NCOA2: variants seen among roughly 807,000 people sequenced by gnomAD.
NCOA2 encodes nuclear receptor coactivator 2.
A neutral mutation model predicts 145.1 loss-of-function variants in NCOA2; 21 were observed. The ratio of observed to expected loss-of-function variants is 0.14; its 90% confidence interval spans 0.10 to 0.21. NCOA2 has a LOEUF of 0.21. Ranked by LOEUF, NCOA2 falls within the 10% of genes least tolerant of loss-of-function variation. The pLI is 1.00. For missense variants in NCOA2, 1,472 were observed against 1,837.6 expected, an observed-to-expected ratio of 0.80 and a Z score of 3.64; for synonymous variants, 619 against 637.5, an observed-to-expected ratio of 0.97 and a Z score of 0.44.
At chr8:70,284,539 G>A (rs926324853) in intron 2 of NCOA2, among the ~76,000 whole-genome samples, 1 of 152,178 alleles carries the variant, frequency 6.6e-6, no homozygotes, top group African/African-American at 2.4e-5. Context: ...CTATAATAGG[G>A]AGGGACTTTA....
intron 9 of NCOA2, among the ~76,000 whole-genome samples, chr8:70,161,830 A>T (rs548313156): frequency 1.3e-5 from 2 of 152,318 alleles, no homozygotes; most frequent in South Asian, 4.1e-4. Context: ...CTGCTGGGAC[A>T]CAGAGAGAAG....
rs1201727660 is a variant in NCOA2 at position 70,382,604 on chromosome 8, GCTAGTAGATAT to G, written c.-77+21085_-77+21095del. Among the ~76,000 whole-genome samples the G allele has an allele frequency of 2.6e-5, 4 of 152,252 alleles. No individual in the cohort carries two copies. In the East Asian group the frequency reaches 7.7e-4, roughly 29 times the overall value. On this transcript the variant is annotated intron_variant, in intron 1 of 22. Transcript: ENST00000452400. ...AATTCCAGAAGAACCAGGGAGGGAA[GCTAGTAGATAT>G]CTATTTTGAATGAAAATTATAATTT...
At chr8:70,407,602 C>G (rs1814803059), upstream of NCOA2, among the ~76,000 whole-genome samples, 1 of 149,636 alleles carries the variant, frequency 6.7e-6, no homozygotes, top group Admixed American at 6.7e-5. Flanking sequence ...TCCTGGCCAA[C>G]ATGGTGAAAC....
At chr8:70,303,173 C>T (rs1286667059) in intron 1 of NCOA2, among the ~76,000 whole-genome samples, 2 of 152,176 alleles carry the variant, frequency 1.3e-5, no homozygotes, top group Non-Finnish European at 2.9e-5. Flanking sequence ...CAGCCCTTGA[C>T]TTGAAAATAG....
intron 1 of NCOA2, among the ~76,000 whole-genome samples, chr8:70,322,432 A>G (rs1806162456): frequency 6.6e-6 from 1 of 152,188 alleles, no homozygotes; most frequent in South Asian, 2.1e-4. Context: ...AGAACCAATT[A>G]TTGTATGATC....
chr8:70,368,532 C>T (rs1018288082), intron 1 of NCOA2, among the ~76,000 whole-genome samples: 3 of 152,186 alleles, frequency 2.0e-5, no homozygotes, highest in African/African-American at 7.2e-5. Flanking sequence ...AAATCTGCTA[C>T]TGAGACCAAA....
chr8:70,454,228 T>A, the NCOA2 span, among the ~76,000 whole-genome samples: 1 of 152,228 alleles, frequency 6.6e-6, no homozygotes, highest in African/African-American at 2.4e-5. Flanking sequence ...ACTCTATATT[T>A]AGCATCAAAT....
chr8:70,330,568 CAA>C (rs376324516), intron 1 of NCOA2, among the ~76,000 whole-genome samples: 11 of 82,088 alleles, frequency 1.3e-4, no homozygotes, highest in African/African-American at 3.5e-4. Flanking sequence ...CACCATGTCT[CAA>C]AAAAAAAAAA....
At chr8:70,404,285 G>A (rs1422251149), upstream of NCOA2, among the ~76,000 whole-genome samples, 4 of 152,246 alleles carry the variant, frequency 2.6e-5, no homozygotes, top group African/African-American at 9.6e-5. Context: ...AAGAAAACTA[G>A]CGACTGGGAC....
chr8:70,277,847 A>G (rs1040952294), intron 2 of NCOA2, among the ~76,000 whole-genome samples: 3 of 152,106 alleles, frequency 2.0e-5, no homozygotes, highest in African/African-American at 7.2e-5. Flanking sequence ...TCTACCAGCC[A>G]GTTTTCTGTT....
chr8:70,142,555 C>T (rs187298050), intron 13 of NCOA2, among the ~76,000 whole-genome samples: 181 of 152,064 alleles, frequency 1.2e-3, no homozygotes, highest in Middle Eastern at 6.8e-3. Context: ...AAAAATTAGC[C>T]GGGCATGGTG....
At chr8:70,280,586 G>A (rs1294321623) in intron 2 of NCOA2, among the ~76,000 whole-genome samples, 3 of 152,110 alleles carry the variant, frequency 2.0e-5, no homozygotes, top group African/African-American at 2.4e-5. Context: ...TCTGAATATA[G>A]TGTTCATGAA....
At chr8:70,184,413 T>A (rs1474174589) in intron 4 of NCOA2, among the ~76,000 whole-genome samples, 1 of 152,152 alleles carries the variant, frequency 6.6e-6, no homozygotes, top group African/African-American at 2.4e-5. Flanking sequence ...AATTGTCACA[T>A]TTGCCTGGGG....
At chr8:70,220,076 G>A (rs1820011578) in intron 2 of NCOA2, among the ~76,000 whole-genome samples, 1 of 152,092 alleles carries the variant, frequency 6.6e-6, no homozygotes, top group Non-Finnish European at 1.5e-5. Context: ...TAAACTCTAT[G>A]GACAGAGGAA....
intron 1 of NCOA2, among the ~76,000 whole-genome samples, chr8:70,359,453 A>G (rs1174023600): frequency 6.6e-6 from 1 of 152,222 alleles, no homozygotes; most frequent in East Asian, 1.9e-4. Context: ...TTGTGCTAAG[A>G]AAAAGAAACA....
chr8:70,420,333 A>G, the NCOA2 span, among the ~76,000 whole-genome samples: 4 of 152,244 alleles, frequency 2.6e-5, no homozygotes, highest in Non-Finnish European at 5.9e-5. Context: ...TATCCAAGGC[A>G]GAAGTTCTTA....
At chr8:70,268,990 T>G in intron 2 of NCOA2, among the ~76,000 whole-genome samples, 1 of 152,090 alleles carries the variant, frequency 6.6e-6, no homozygotes, top group East Asian at 1.9e-4. Context: ...ATTATTTTAA[T>G]ACAGAAAGTG....
At chr8:70,164,195 C>T (rs1190237530) in intron 7 of NCOA2, among the ~76,000 whole-genome samples, 3 of 152,304 alleles carry the variant, frequency 2.0e-5, no homozygotes, top group South Asian at 4.1e-4. Flanking sequence ...TGGCTGTGGA[C>T]GGTTTCTCAC....
In NCOA2 at chr8:70,156,448, G is replaced by A. The variant is rs1812299372; in HGVS notation, c.1917C>T (p.Thr639=). The A allele has an allele frequency of 2.5e-5, 40 of 1,613,792 alleles. No homozygotes were observed. Among genetic ancestry groups the A allele is most frequent in the Non-Finnish European group, 3.4e-5 (40 of 1,179,878 alleles). ...TGGTGGTCAGCAGCTGCAGGAGTTT[G>A]GTCTGCCCTTTGCTGTCATGCAGTC... ...QSRLHDSKGQ[T]KLLQLLTTKS... Residue 639 remains threonine, a synonymous_variant, in exon 11 of 23, where the codon ACC becomes ACT. Coordinates refer to ENST00000452400, the MANE Select transcript of NCOA2 (RefSeq NM_006540.4).
Sources: gnomAD v4.1 joint callset for allele counts (sites outside exome capture counted in the v4.1 genomes callset) on GRCh38, gnomAD v4.1.1 for gene constraint, MANE v1.5 for transcripts, NCBI Gene and HGNC (gene_info 2026-07-23, HGNC 2026-07-21) for gene names.